TRIM67: variants seen among roughly 807,000 people sequenced by gnomAD.
TRIM67 encodes the protein tripartite motif containing 67.
In TRIM67, 39 loss-of-function variants were observed where a neutral mutation model predicts 71.0. That is an observed-to-expected ratio of 0.55 (90% CI 0.43 to 0.72). The LOEUF is 0.72. TRIM67 is among the 30% of genes least tolerant of loss of function. TRIM67 has a pLI of 0.00. For missense variants in TRIM67, 973 were observed against 1,079.2 expected, an observed-to-expected ratio of 0.90 and a Z score of 1.38; for synonymous variants, 481 against 473.9, an observed-to-expected ratio of 1.01 and a Z score of -0.19.
intron 1 of TRIM67, among the ~76,000 whole-genome samples, chr1:231,165,931 G>A (rs1682448790): frequency 1.3e-5 from 2 of 152,314 alleles, no homozygotes; most frequent in Non-Finnish European, 1.5e-5. Context: ...AGAGAGTTGA[G>A]ATGAGAATTT....
intron 7 of TRIM67, among the ~76,000 whole-genome samples, chr1:231,207,295 A>G (rs1683731710): frequency 1.3e-5 from 2 of 152,202 alleles, no homozygotes. Flanking sequence ...ACCAGTCCCT[A>G]CATTTGAGCC....
Position 231,181,118 on chromosome 1 carries a change from G to T in TRIM67, c.1045-16253G>T, listed in dbSNP as rs145685418. 2.6e-5 allele frequency among the ~76,000 whole-genome samples: 4 copies of T among 152,212 alleles called. No homozygotes were observed. In the East Asian group the frequency reaches 7.7e-4, roughly 29 times the overall value. On this transcript the variant is annotated intron_variant, in intron 1 of 9. Coordinates refer to ENST00000366653, the MANE Select transcript of TRIM67 (RefSeq NM_001004342.5). Reference sequence around the variant, plus strand: ...GTAGCTGGGACTACAGGCATGCACCGCCATGTCCAGCTAATTTTTATATTT... The same window carrying T: ...GTAGCTGGGACTACAGGCATGCACCTCCATGTCCAGCTAATTTTTATATTT...
At chr1:231,169,368 C>CTTTTTTTTTTTTTT (rs775082418) in intron 1 of TRIM67, among the ~76,000 whole-genome samples, 1 of 81,660 alleles carries the variant, frequency 1.2e-5, no homozygotes, top group Non-Finnish European at 2.3e-5. Context: ...ATTCTTTTCT[C>CTTTTTTTTTTTTTT]TTTTTTTTTT....
At position 231,217,775 on chromosome 1, in the gene TRIM67, C is replaced by T; in HGVS notation, c.*2335C>T. 3 of 1,283,528 alleles carry T rather than the reference C, an allele frequency of 2.3e-6. No individual in the cohort carries two copies. Among genetic ancestry groups the T allele is most frequent in the South Asian group, 1.2e-5 (1 of 80,364 alleles). 79.5% of individuals were successfully genotyped at this position (1,283,528 alleles called of 1,614,324 possible). A position where few individuals can be genotyped will look rare whatever the true frequency, so the allele number is the denominator to read the frequency against. On this transcript the variant is annotated 3_prime_UTR_variant, in exon 10 of 10. Coordinates refer to ENST00000366653, the MANE Select transcript of TRIM67 (RefSeq NM_001004342.5). ...CGCCCATCATTGGAGCACAAGTTGCCTGGGGCTACCCTGAACCTAACCCCT... is the reference window on the plus strand; with the variant it reads ...CGCCCATCATTGGAGCACAAGTTGCTTGGGGCTACCCTGAACCTAACCCCT...
At chr1:231,205,719 C>T (rs1314472590) in intron 6 of TRIM67, among the ~76,000 whole-genome samples, 1 of 138,222 alleles carries the variant, frequency 7.2e-6, no homozygotes, top group Non-Finnish European at 1.5e-5. Flanking sequence ...GAGTAAGACT[C>T]TGTCTCAAAA....
At chr1:231,202,153 C>CATGGAGGAGGAGATGGAGGA (rs1683559017) in intron 5 of TRIM67, among the ~76,000 whole-genome samples, 1 of 2,248 alleles carries the variant, frequency 4.4e-4, no homozygotes, top group African/African-American at 1.4e-3. Flanking sequence ...GAAGAGGTAG[C>CATGGAGGAGGAGATGGAGGA]GGAGGAGGAG....
intron 7 of TRIM67, 141 bp from the exon 8 acceptor site, chr1:231,208,806 G>A: frequency 1.4e-6 from 1 of 719,776 alleles, no homozygotes; most frequent in South Asian, 1.9e-5. Flanking sequence ...GCACGTGTGT[G>A]GTAATCATAC....
intron 4 of TRIM67, among the ~76,000 whole-genome samples, chr1:231,200,616 C>A (rs1683493601): frequency 6.6e-6 from 1 of 152,188 alleles, no homozygotes; most frequent in Non-Finnish European, 1.5e-5. Context: ...CAGAGTCCTG[C>A]AGGCCTGGCT....
At chr1:231,196,362 A>G (rs1329347982) in intron 1 of TRIM67, among the ~76,000 whole-genome samples, 1 of 152,026 alleles carries the variant, frequency 6.6e-6, no homozygotes, top group Non-Finnish European at 1.5e-5. Flanking sequence ...AATCCCAGCA[A>G]TTTGGGAGGC....
At chr1:231,166,518 T>C (rs185512395) in intron 1 of TRIM67, among the ~76,000 whole-genome samples, 31 of 147,104 alleles carry the variant, frequency 2.1e-4, no homozygotes, top group African/African-American at 6.4e-4. Flanking sequence ...AATTTAAGTT[T>C]TTCAGTAAAA....
intron 1 of TRIM67, among the ~76,000 whole-genome samples, chr1:231,191,960 G>A (rs373334953): frequency 6.6e-6 from 1 of 152,214 alleles, no homozygotes; most frequent in African/African-American, 2.4e-5. Context: ...GATCTCCAGC[G>A]TGCAGTGGGG....
chr1:231,198,585 C>G (rs1683436510), intron 2 of TRIM67, among the ~76,000 whole-genome samples: 1 of 152,158 alleles, frequency 6.6e-6, no homozygotes. Context: ...GGGGTTTCTC[C>G]ATGTTGGTCA....
chr1:231,200,585 A>G (rs1048643855), intron 4 of TRIM67, among the ~76,000 whole-genome samples: 3 of 152,276 alleles, frequency 2.0e-5, no homozygotes, highest in East Asian at 1.9e-4. Flanking sequence ...CAGAATCCAC[A>G]TGGCCCATTA....
chr1:231,168,508 T>G (rs1682539299), intron 1 of TRIM67, among the ~76,000 whole-genome samples: 1 of 152,236 alleles, frequency 6.6e-6, no homozygotes, highest in African/African-American at 2.4e-5. Flanking sequence ...CCAAATTACC[T>G]TTCATAAAGA....
chr1:231,183,881 T>G (rs1682977513), intron 1 of TRIM67, among the ~76,000 whole-genome samples: 1 of 152,148 alleles, frequency 6.6e-6, no homozygotes, highest in Non-Finnish European at 1.5e-5. Flanking sequence ...GTCAGTGAGC[T>G]GGGATTCAAA....
At chr1:231,176,238 C>T (rs754397825) in intron 1 of TRIM67, among the ~76,000 whole-genome samples, 1 of 152,198 alleles carries the variant, frequency 6.6e-6, no homozygotes, top group African/African-American at 2.4e-5. Flanking sequence ...CACAAGACAG[C>T]TCACAGCCTG....
In TRIM67 at chr1:231,201,365, A is replaced by C. The variant is rs757390199; in HGVS notation, c.1382A>C (p.Asp461Ala). The C allele has an allele frequency of 3.3e-5, 54 of 1,612,722 alleles. No individual in the cohort carries two copies. The highest frequency in any genetic ancestry group is 4.6e-5 in the Non-Finnish European group (54 of 1,179,472). Residue 461 changes from aspartate to alanine, a missense_variant, in exon 5 of 10, where the codon GAT becomes GCT. Physicochemically the swap from Asp to Ala is moderately radical, Grantham distance 126 (BLOSUM62 -2). Coordinates refer to ENST00000366653, the MANE Select transcript of TRIM67 (RefSeq NM_001004342.5). ...TCTTTGCTCCCCTTTAAGATCTCAG[A>C]TGCTCTGATCAAGCGCGTCCAGGTG... ...NDPSGFLQISDALIKRVQVSQ... is the reference protein window; with the variant it reads ...NDPSGFLQISAALIKRVQVSQ...
intron 1 of TRIM67, among the ~76,000 whole-genome samples, chr1:231,180,019 G>A (rs1682856847): frequency 6.6e-6 from 1 of 152,194 alleles, no homozygotes; most frequent in African/African-American, 2.4e-5. Context: ...CCAAAAGTAA[G>A]TGTATTGAAA....
intron 5 of TRIM67, 131 bp from the exon 6 acceptor site, chr1:231,203,736 G>A: frequency 8.2e-7 from 1 of 1,213,018 alleles, no homozygotes; most frequent in Non-Finnish European, 1.1e-6. Context: ...AGTGACTACA[G>A]GGTGGCCAGG....
Sources: gnomAD v4.1 joint callset for allele counts (sites outside exome capture counted in the v4.1 genomes callset) on GRCh38, gnomAD v4.1.1 for gene constraint, MANE v1.5 for transcripts, NCBI Gene and HGNC (gene_info 2026-07-23, HGNC 2026-07-21) for gene names.